Variants in NECAB1 observed in about 807,000 individuals in gnomAD.
The protein encoded by NECAB1 is N-terminal EF-hand calcium-binding protein 1.
NECAB1 carries 29 observed loss-of-function variants against 57.5 expected under a neutral mutation model. That is an observed-to-expected ratio of 0.50 (90% confidence interval 0.38 to 0.69). NECAB1 has a LOEUF of 0.69. Among genes scored for constraint, NECAB1 ranks in the 30% least tolerant of loss-of-function variants. The pLI is 0.00. For missense variants in NECAB1, 372 were observed against 413.8 expected (o/e 0.90, Z 0.88); for synonymous variants, 142 against 147.7 (o/e 0.96, Z 0.28).
chr8:90,948,835 T>C (rs1178769034), intron 10 of NECAB1, among the ~76,000 whole-genome samples: 1 of 152,162 alleles, frequency 6.6e-6, no homozygotes, highest in Non-Finnish European at 1.5e-5. Context: ...CACTGTGCCA[T>C]CGGAAGGATC....
intron 3 of NECAB1, 98 bp downstream of exon 3, chr8:90,824,923 G>A (rs932846998): frequency 9.7e-5 from 52 of 537,724 alleles, no homozygotes; most frequent in Non-Finnish European, 9.2e-6. Context: ...AATATAGAGG[G>A]TATATTTTGC....
At chr8:90,824,556 A>G (rs1812193391) in intron 2 of NECAB1, among the ~76,000 whole-genome samples, 161 bp from the exon 3 acceptor site, 1 of 151,908 alleles carries the variant, frequency 6.6e-6, no homozygotes, top group Non-Finnish European at 1.5e-5. Context: ...TGTTATATAA[A>G]GATATATTAA....
rs372380618 is a variant in NECAB1, at chr8:90,946,928, A to T, written c.861-2879A>T. Among the ~76,000 whole-genome samples the T allele has an allele frequency of 2.4e-4, 37 of 152,318 alleles. No homozygotes were observed. In the South Asian group the frequency reaches 3.3e-3, roughly 14 times the overall value. ...GGTGTATTGCAAACTGAACAGTGGCAGAGTCATGTTAGTAAGAGGAGAGTA... is the reference window on the plus strand; with the variant it reads ...GGTGTATTGCAAACTGAACAGTGGCTGAGTCATGTTAGTAAGAGGAGAGTA... On this transcript the variant is annotated intron_variant, in intron 10 of 12. Transcript: ENST00000417640.
intron 3 of NECAB1, among the ~76,000 whole-genome samples, chr8:90,833,479 A>G (rs929849153): frequency 2.0e-5 from 3 of 152,084 alleles, no homozygotes; most frequent in Non-Finnish European, 4.4e-5. Context: ...GTAGGTATAC[A>G]TGTGCCACGG....
chr8:90,940,747 T>C (rs1810648431), intron 9 of NECAB1, 39 bp from the exon 10 acceptor site: 3 of 1,492,950 alleles, frequency 2.0e-6, no homozygotes, highest in East Asian at 4.9e-5. Context: ...TCGGGCTCCG[T>C]GACAGCCAAC....
intron 4 of NECAB1, among the ~76,000 whole-genome samples, chr8:90,879,276 C>T (rs115778615): frequency 0.04 from 5,999 of 148,884 alleles, 438 homozygotes; most frequent in African/African-American, 0.14. Context: ...GCAGCCTCGA[C>T]TTCCCAGGCT....
intron 2 of NECAB1, among the ~76,000 whole-genome samples, chr8:90,807,257 A>G (rs1165382067): frequency 6.6e-6 from 1 of 152,204 alleles, no homozygotes; most frequent in East Asian, 1.9e-4. Flanking sequence ...GTATTTATGT[A>G]TTTAGAGATA....
chr8:90,879,160 CT>C (rs1388668853), intron 4 of NECAB1, among the ~76,000 whole-genome samples: 2 of 137,244 alleles, frequency 1.5e-5, no homozygotes, highest in South Asian at 2.3e-4. Context: ...GAGAGTGTTG[CT>C]TTTTTAGCAA....
At chr8:90,918,819 C>G (rs111744880) in intron 6 of NECAB1, among the ~76,000 whole-genome samples, 4 of 151,822 alleles carry the variant, frequency 2.6e-5, no homozygotes, top group Admixed American at 6.5e-5. Context: ...CTCATTCATA[C>G]CTCCCACTTC....
chr8:90,944,144 G>A (rs1810742427), intron 10 of NECAB1, among the ~76,000 whole-genome samples: 1 of 152,174 alleles, frequency 6.6e-6, no homozygotes, highest in African/African-American at 2.4e-5. Flanking sequence ...ATTAAAGTTT[G>A]TCTGACTCTA....
At position 90,949,905 on chromosome 8, in the gene NECAB1, A is replaced by G. The variant is rs1213044228; in HGVS notation, c.938+21A>G. The G allele has an allele frequency of 4.7e-6, 7 of 1,479,346 alleles. No individual in the cohort carries two copies. In the African/African-American group the frequency reaches 5.6e-5, roughly 12 times the overall value. The allele number at this position is 1,479,346 out of a possible 1,614,324, so 91.6% of individuals were successfully genotyped here. ...AATAGGTAAGTTGTGAGCAAGCCTG[A>G]TTTTATGTGAAGCCAGGAAGGTGGC... On this transcript the variant is annotated intron_variant, in intron 11 of 12. Coordinates refer to ENST00000417640, the MANE Select transcript of NECAB1 (RefSeq NM_022351.5).
At chr8:90,861,849 C>T (rs1008226642) in intron 3 of NECAB1, among the ~76,000 whole-genome samples, 57 of 152,098 alleles carry the variant, frequency 3.7e-4, no homozygotes, top group African/African-American at 1.2e-3. Flanking sequence ...GATTCTCTGC[C>T]GCTACAGGAT....
rs569771848 is a variant in NECAB1 at position 90,864,047 on chromosome 8, A to G, written c.234-8081A>G. On this transcript the variant is annotated intron_variant, in intron 3 of 12. Transcript: ENST00000417640. The stretch of plus-strand genomic sequence containing the variant: ...CATATTGAGATAGGAAGAAAACTTG[A>G]GTTGTTTAGAAACGTTTATAGCAAT... Among the ~76,000 whole-genome samples the G allele has an allele frequency of 3.9e-5, 6 of 152,262 alleles. No homozygotes were observed. The South Asian group carries it at 1.2e-3, about 32-fold the overall frequency.
chr8:90,927,578 A>G (rs1810304170), intron 7 of NECAB1, among the ~76,000 whole-genome samples: 1 of 151,416 alleles, frequency 6.6e-6, no homozygotes, highest in African/African-American at 2.4e-5. Context: ...TAATAGTAGC[A>G]GAACTTCTAT....
At chr8:90,938,939 T>C (rs1810604610) in intron 9 of NECAB1, among the ~76,000 whole-genome samples, 1 of 152,214 alleles carries the variant, frequency 6.6e-6, no homozygotes, top group South Asian at 2.1e-4. Context: ...GTAAGCTGTA[T>C]GTTAGCTTTG....
Position 90,949,823 on chromosome 8 carries a change from C to G in NECAB1, c.877C>G (p.Leu293Val). The part of the protein sequence containing the change: ...SGCLRISIQK[L>V]SNESRYMIYE... Reference sequence around the variant, plus strand: ...CCATTTCAGTATTTCTATACAGAAGCTTTCAAATGAATCTCGCTACATGAT... The same window carrying G: ...CCATTTCAGTATTTCTATACAGAAGGTTTCAAATGAATCTCGCTACATGAT... Residue 293 changes from leucine (L) to valine (V), a missense_variant, in exon 11 of 13, where the codon CTT becomes GTT. Coordinates refer to ENST00000417640, the MANE Select transcript of NECAB1 (RefSeq NM_022351.5). The G allele has an allele frequency of 1.9e-6, 3 of 1,604,408 alleles. No individual in the cohort carries two copies. The highest frequency in any genetic ancestry group is 2.6e-6 in the Non-Finnish European group (3 of 1,172,932).
intron 5 of NECAB1, among the ~76,000 whole-genome samples, chr8:90,882,224 A>G (rs1193247612): frequency 6.6e-6 from 1 of 152,226 alleles, no homozygotes; most frequent in Non-Finnish European, 1.5e-5. Context: ...ATAGGATCAG[A>G]AAGATGAGTG....
intron 3 of NECAB1, among the ~76,000 whole-genome samples, chr8:90,854,727 A>G (rs753654335): frequency 4.6e-5 from 7 of 152,188 alleles, no homozygotes; most frequent in Non-Finnish European, 8.8e-5. Context: ...TTTTTTGGGC[A>G]ACAATAGCAG....
At chr8:90,824,093 C>T (rs192828756) in intron 2 of NECAB1, among the ~76,000 whole-genome samples, 17 of 151,816 alleles carry the variant, frequency 1.1e-4, no homozygotes, top group African/African-American at 4.1e-4. Context: ...TTGCATTAAC[C>T]GTATTTTACT....
Sources: allele counts gnomAD v4.1 joint callset (sites outside exome capture counted in the v4.1 genomes callset), GRCh38; gene constraint gnomAD v4.1.1; transcripts MANE v1.5; gene names NCBI Gene and HGNC (gene_info 2026-07-23, HGNC 2026-07-21).